DNAJC6: variants seen among roughly 807,000 people sequenced by gnomAD.
DNAJC6 encodes the protein auxilin.
In DNAJC6, 34 loss-of-function variants were observed where a neutral mutation model predicts 110.0. The ratio of observed to expected loss-of-function variants is 0.31; its 90% CI spans 0.24 to 0.41. DNAJC6 has a LOEUF of 0.41. Among genes scored for constraint, DNAJC6 ranks in the 10% least tolerant of loss-of-function variants. DNAJC6 has a pLI of 1.00. For missense variants in DNAJC6, 1,031 were observed against 1,207.8 expected (o/e 0.85, Z 2.17); for synonymous variants, 406 against 437.2 (o/e 0.93, Z 0.89).
chr1:65,384,336 G>A lies in DNAJC6; in HGVS notation c.800+10G>A. 1 of 1,538,712 alleles carries A rather than the reference G, an allele frequency of 6.5e-7. No individual in the cohort carries two copies. Among genetic ancestry groups the A allele is most frequent in the Non-Finnish European group, 8.7e-7 (1 of 1,147,048 alleles). On this transcript the variant is annotated intron_variant, in intron 6 of 18. Transcript: ENST00000371069. ...CACCATCCCATAGGAGGTAAAGTAA[G>A]CTAGATGCAGGCTAGGCACAGATGT...
chr1:65,396,140 G>A (rs1311733468), intron 13 of DNAJC6, among the ~76,000 whole-genome samples: 1 of 152,124 alleles, frequency 6.6e-6, no homozygotes, highest in African/African-American at 2.4e-5. Context: ...TTTCCAACTA[G>A]TCTTTAATCT....
At chr1:65,286,340 T>C (rs1654019125) in intron 1 of DNAJC6, among the ~76,000 whole-genome samples, 1 of 151,842 alleles carries the variant, frequency 6.6e-6, no homozygotes. Context: ...TCAACCACTG[T>C]GGCACAATCC....
chr1:65,305,231 C>T (rs1645026638), upstream of DNAJC6, among the ~76,000 whole-genome samples: 1 of 152,248 alleles, frequency 6.6e-6, no homozygotes, highest in African/African-American at 2.4e-5. Context: ...CAAATGAATT[C>T]AGATGTCACA....
chr1:65,388,143 C>A (rs897776353), intron 8 of DNAJC6, among the ~76,000 whole-genome samples, 193 bp from the exon 9 acceptor site: 1 of 152,122 alleles, frequency 6.6e-6, no homozygotes, highest in African/African-American at 2.4e-5. Flanking sequence ...TTTGCCAAGG[C>A]AGAGTTCAAG....
chr1:65,379,158 A>G (rs1391726590), intron 4 of DNAJC6, among the ~76,000 whole-genome samples: 5 of 152,262 alleles, frequency 3.3e-5, no homozygotes, highest in African/African-American at 1.2e-4. Context: ...GAAATGGTCT[A>G]GTTTAATTTA....
At chr1:65,298,484 A>G (rs1340437275) in intron 1 of DNAJC6, among the ~76,000 whole-genome samples, 2 of 152,194 alleles carry the variant, frequency 1.3e-5, no homozygotes, top group Non-Finnish European at 2.9e-5. Context: ...CTTTGCCACA[A>G]TTCTAGTACA....
At chr1:65,339,382 T>C (rs1364069793) in intron 1 of DNAJC6, among the ~76,000 whole-genome samples, 2 of 152,196 alleles carry the variant, frequency 1.3e-5, no homozygotes, top group East Asian at 1.9e-4. Flanking sequence ...TGTCCACAAT[T>C]AGCCTATTAA....
chr1:65,371,545 G>C (rs965943827), intron 4 of DNAJC6, among the ~76,000 whole-genome samples: 1 of 152,154 alleles, frequency 6.6e-6, no homozygotes, highest in Non-Finnish European at 1.5e-5. Flanking sequence ...CAAAAATGGT[G>C]TGTGATTCAT....
rs1645287938 is a variant in DNAJC6, at chr1:65,331,475, C to A, written c.193+21537C>A. On this transcript the variant is annotated intron_variant, in intron 1 of 18. Transcript: ENST00000371069. ...GATAACTAATTCTAAATTTACAAAC[C>A]AAGTTTTCCAAAGAGGTGAAACAAC... Among the ~76,000 whole-genome samples, 3 of 152,102 alleles carry A rather than the reference C, an allele frequency of 2.0e-5. No homozygotes were observed. The South Asian group carries it at 6.2e-4, about 31-fold the overall frequency.
At chr1:65,297,534 G>A (rs1644939706) in intron 1 of DNAJC6, among the ~76,000 whole-genome samples, 1 of 152,142 alleles carries the variant, frequency 6.6e-6, no homozygotes, top group Admixed American at 6.5e-5. Context: ...AATTATAACA[G>A]TGAGAAAATT....
At chr1:65,392,925 T>C in intron 12 of DNAJC6, 60 bp downstream of exon 12, 2 of 1,399,744 alleles carry the variant, frequency 1.4e-6, no homozygotes, top group Non-Finnish European at 1.9e-6. Flanking sequence ...TTGGGCCAAA[T>C]AGGTGGAATT....
At chr1:65,287,617 T>C (rs1452726340) in intron 1 of DNAJC6, among the ~76,000 whole-genome samples, 1 of 152,206 alleles carries the variant, frequency 6.6e-6, no homozygotes, top group Non-Finnish European at 1.5e-5. Flanking sequence ...TATTTATTTT[T>C]TTGAGGCATG....
At chr1:65,386,057 A>C in intron 7 of DNAJC6, 151 bp downstream of exon 7, 1 of 843,630 alleles carries the variant, frequency 1.2e-6, no homozygotes, top group East Asian at 2.7e-5. Flanking sequence ...TAATCATAGA[A>C]AAGTACAAGT....
intron 11 of DNAJC6, 24 bp from the exon 12 acceptor site, chr1:65,392,407 T>C (rs1456915028): frequency 1.3e-6 from 2 of 1,552,742 alleles, no homozygotes; most frequent in Non-Finnish European, 1.7e-6. Flanking sequence ...AACTAATCTC[T>C]TATGGTATAC....
intron 2 of DNAJC6, among the ~76,000 whole-genome samples, chr1:65,365,222 A>C (rs1570869): frequency 0.67 from 101,512 of 151,978 alleles, 34,868 homozygotes; most frequent in African/African-American, 0.84. Flanking sequence ...TCAAATCAGA[A>C]CTTTGTTTTT....
chr1:65,383,715 C>A (rs1319598798), intron 5 of DNAJC6, among the ~76,000 whole-genome samples: 2 of 152,166 alleles, frequency 1.3e-5, no homozygotes, highest in Non-Finnish European at 2.9e-5. Flanking sequence ...AACATTCAGT[C>A]CACAACAGAT....
intron 1 of DNAJC6, among the ~76,000 whole-genome samples, chr1:65,358,780 A>G (rs1645571450): frequency 6.6e-6 from 1 of 152,218 alleles, no homozygotes. Context: ...TGAAAAAAAT[A>G]CATCATTTAT....
At chr1:65,393,589 C>T in intron 12 of DNAJC6, among the ~76,000 whole-genome samples, 1 of 152,152 alleles carries the variant, frequency 6.6e-6, no homozygotes, top group Non-Finnish European at 1.5e-5. Flanking sequence ...GTTAGTTTCA[C>T]TGTCTCATTG....
chr1:65,309,548 G>A lies in DNAJC6; in HGVS notation c.-198G>A. Reference sequence around the variant, plus strand: ...CTCCCTCCTCCCGGCGCCCCGAGCCGAGCTCAGCCCAGGGCGGCGGCTTCG... The same window carrying A: ...CTCCCTCCTCCCGGCGCCCCGAGCCAAGCTCAGCCCAGGGCGGCGGCTTCG... On this transcript the variant is annotated 5_prime_UTR_variant, in exon 1 of 19. Transcript: ENST00000371069. The A allele has an allele frequency of 9.3e-7, 1 of 1,072,580 alleles. No individual in the cohort carries two copies. Among genetic ancestry groups the A allele is most frequent in the Non-Finnish European group, 1.1e-6 (1 of 888,860 alleles). The allele number at this position is 1,072,580 out of a possible 1,614,324, so 66.4% of individuals were successfully genotyped here. A position where few individuals can be genotyped will look rare whatever the true frequency, so the allele number is the denominator to read the frequency against.
Sources: allele counts gnomAD v4.1 joint callset (sites outside exome capture counted in the v4.1 genomes callset), GRCh38; gene constraint gnomAD v4.1.1; transcripts MANE v1.5; gene names NCBI Gene and HGNC (gene_info 2026-07-23, HGNC 2026-07-21).